Variants in ASIC2 observed in about 807,000 individuals in gnomAD.
ASIC2 encodes the protein acid sensing ion channel subunit 2, also known as acid-sensing ion channel 2.
ASIC2 carries 25 observed loss-of-function variants against 57.3 expected under a neutral mutation model. The ratio of observed to expected loss-of-function variants is 0.44; its 90% confidence interval spans 0.32 to 0.61. ASIC2 has a LOEUF of 0.61. Ranked by LOEUF, ASIC2 falls within the 20% of genes least tolerant of loss-of-function variation. The pLI is 0.06. For synonymous variants in ASIC2, 319 were observed against 307.5 expected, an observed-to-expected ratio of 1.04 and a Z score of -0.39; for missense variants, 641 against 738.1, an observed-to-expected ratio of 0.87 and a Z score of 1.52.
At chr17:33,665,802 T>C (rs1188935672) in intron 1 of ASIC2, among the ~76,000 whole-genome samples, 1 of 151,894 alleles carries the variant, frequency 6.6e-6, no homozygotes. Context: ...CGAGGGGAGG[T>C]TGGGAGAGGG....
intron 6 of ASIC2, among the ~76,000 whole-genome samples, chr17:33,022,386 A>C (rs2091839890): frequency 6.6e-6 from 1 of 152,208 alleles, no homozygotes; most frequent in Admixed American, 6.5e-5. Context: ...CATTGCGGAC[A>C]CAGAACATTT....
At chr17:33,885,172 C>T (rs1012665489) in intron 1 of ASIC2, among the ~76,000 whole-genome samples, 7 of 152,190 alleles carry the variant, frequency 4.6e-5, no homozygotes, top group Non-Finnish European at 7.3e-5. Flanking sequence ...TCAAACTGCC[C>T]ACATCCAGGT....
intron 1 of ASIC2, among the ~76,000 whole-genome samples, chr17:33,563,862 T>C (rs1409987172): frequency 2.0e-5 from 3 of 152,218 alleles, no homozygotes; most frequent in Non-Finnish European, 4.4e-5. Flanking sequence ...GCCTTATTTC[T>C]TGGATGCTTT....
chr17:33,354,918 G>C (rs567898085), intron 1 of ASIC2, among the ~76,000 whole-genome samples: 14 of 152,256 alleles, frequency 9.2e-5, no homozygotes, highest in African/African-American at 3.4e-4. Context: ...CAGGCACCCA[G>C]TACACATCTG....
intron 1 of ASIC2, chr17:34,146,612 G>C (rs1373945274): frequency 2.6e-5 from 4 of 152,178 alleles, no homozygotes; most frequent in East Asian, 3.8e-4. Flanking sequence ...TCCTAATCCT[G>C]TCAGTCAGTC....
At chr17:33,616,498 C>T (rs1005323494) in intron 1 of ASIC2, among the ~76,000 whole-genome samples, 4 of 152,214 alleles carry the variant, frequency 2.6e-5, no homozygotes, top group Admixed American at 2.6e-4. Flanking sequence ...GTGATTTGAG[C>T]AAGTCACTTA....
rs532819050 is a variant in ASIC2, at chr17:33,753,177, G to A, written c.555+402801C>T. ...GAAAGACATGGAGAATCCTAAATAT[G>A]TATTGCTAAGTGAAAGAAATCCATC... On this transcript the variant is annotated intron_variant, in intron 1 of 9. Transcript: ENST00000359872. 6.6e-5 allele frequency among the ~76,000 whole-genome samples: 10 copies of A among 152,270 alleles called. No homozygotes were observed. In the East Asian group the frequency reaches 1.5e-3, roughly 24 times the overall value.
chr17:33,110,918 C>T (rs982349042), intron 2 of ASIC2, among the ~76,000 whole-genome samples: 8 of 152,180 alleles, frequency 5.3e-5, no homozygotes, highest in African/African-American at 1.7e-4. Flanking sequence ...CTCTCTTGAC[C>T]CACCTCTGCA....
At chr17:33,519,206 C>T (rs1451111255) in intron 1 of ASIC2, among the ~76,000 whole-genome samples, 2 of 152,208 alleles carry the variant, frequency 1.3e-5, no homozygotes, top group East Asian at 1.9e-4. Flanking sequence ...CAAGGTCACA[C>T]GGCTTGTAAG....
chr17:34,113,825 T>C (rs1359929286), intron 1 of ASIC2, among the ~76,000 whole-genome samples: 2 of 152,140 alleles, frequency 1.3e-5, no homozygotes, highest in African/African-American at 2.4e-5. Context: ...CAGTGAGCTA[T>C]GATTGGGCCA....
At chr17:33,016,507 T>A (rs1343022632) in intron 8 of ASIC2, among the ~76,000 whole-genome samples, 1 of 152,150 alleles carries the variant, frequency 6.6e-6, no homozygotes, top group Non-Finnish European at 1.5e-5. Flanking sequence ...AGAGGGTAGT[T>A]CTTAAATCTG....
intron 1 of ASIC2, among the ~76,000 whole-genome samples, chr17:33,311,227 C>G (rs1279621987): frequency 6.6e-6 from 1 of 152,140 alleles, no homozygotes; most frequent in Non-Finnish European, 1.5e-5. Flanking sequence ...TATGACTGGC[C>G]CATTTCATAG....
chr17:33,823,017 T>G (rs541119017), intron 1 of ASIC2, among the ~76,000 whole-genome samples: 2 of 152,318 alleles, frequency 1.3e-5, no homozygotes, highest in African/African-American at 4.8e-5. Context: ...GCAGAAGATA[T>G]GCAGTGTAGA....
At chr17:33,375,259 A>G (rs11652103) in intron 1 of ASIC2, among the ~76,000 whole-genome samples, 47,043 of 151,914 alleles carry the variant, frequency 0.31, 9,057 homozygotes, top group Non-Finnish European at 0.41. Flanking sequence ...CCTGAAAGAA[A>G]CAAGGAAGTG....
intron 1 of ASIC2, among the ~76,000 whole-genome samples, chr17:33,136,738 T>C (rs959263160): frequency 1.3e-5 from 2 of 152,190 alleles, no homozygotes; most frequent in African/African-American, 4.8e-5. Flanking sequence ...CATATGACCA[T>C]TGCTCACCCA....
chr17:33,976,024 C>G (rs1218293562), intron 1 of ASIC2, among the ~76,000 whole-genome samples: 1 of 151,874 alleles, frequency 6.6e-6, no homozygotes, highest in African/African-American at 2.4e-5. Flanking sequence ...CAGACCTCCC[C>G]TTTTTAAACT....
intron 1 of ASIC2, among the ~76,000 whole-genome samples, chr17:33,405,660 T>C (rs891891376): frequency 1.1e-4 from 17 of 152,008 alleles, no homozygotes; most frequent in African/African-American, 3.1e-4. Context: ...ATTTTTGTAT[T>C]TTTAGTAGAG....
chr17:33,062,937 G>C (rs35896058), intron 3 of ASIC2, among the ~76,000 whole-genome samples: 28,315 of 151,990 alleles, frequency 0.19, 2,733 homozygotes, highest in Non-Finnish European at 0.21. Flanking sequence ...TGTCTCTTTT[G>C]ATCTTTGTTG....
intron 3 of ASIC2, among the ~76,000 whole-genome samples, chr17:33,059,153 T>TTA (rs747861130): frequency 2.6e-4 from 40 of 151,488 alleles, no homozygotes; most frequent in Admixed American, 4.6e-4. Context: ...CAGGATGTCT[T>TTA]TATATATATA....
Sources: gnomAD v4.1 joint callset for allele counts (sites outside exome capture counted in the v4.1 genomes callset) on GRCh38, gnomAD v4.1.1 for gene constraint, MANE v1.5 for transcripts, NCBI Gene and HGNC (gene_info 2026-07-23, HGNC 2026-07-21) for gene names.